The following KIF1A variants were observed in gnomAD, a reference collection of about 807,000 sequenced individuals.
KIF1A encodes kinesin-like protein KIF1A.
A neutral mutation model predicts 227.3 loss-of-function variants in KIF1A; 46 were observed. The ratio of observed to expected loss-of-function variants is 0.20; its 90% CI spans 0.16 to 0.26. KIF1A has a LOEUF of 0.26. Ranked by LOEUF, KIF1A falls within the 10% of genes least tolerant of loss-of-function variation. KIF1A has a pLI of 1.00. For synonymous variants in KIF1A, 1,022 were observed against 1,012.8 expected, an observed-to-expected ratio of 1.01 and a Z score of -0.17; for missense variants, 1,683 against 2,485.9, an observed-to-expected ratio of 0.68 and a Z score of 6.87.
At chr2:240,735,353 G>A (rs79714567) in intron 38 of KIF1A, among the ~76,000 whole-genome samples, 3,867 of 142,884 alleles carry the variant, frequency 0.027, 174 homozygotes, top group African/African-American at 0.091. Flanking sequence ...AGGTTCTCAG[G>A]CATCCAGGAA....
chr2:240,750,590 G>A (rs760949403), intron 27 of KIF1A, 43 bp from the exon 28 acceptor site: 28 of 1,420,308 alleles, frequency 2.0e-5, no homozygotes, highest in South Asian at 7.0e-5. Context: ...ACCCCTCCAC[G>A]CATGTTCTGA....
Position 240,760,656 on chromosome 2 carries a change from CA to C in KIF1A, c.2444+8del. Reference sequence around the variant, plus strand: ...TCCCACCATCCACCCAGCGGCCCTCCAGCCCCACCTGAGCTTCTCCAGCGTC... The same window carrying C: ...TCCCACCATCCACCCAGCGGCCCTCCGCCCCACCTGAGCTTCTCCAGCGTC... On this transcript the variant is annotated splice_region_variant and intron_variant, in intron 25 of 48. Transcript: ENST00000498729. 6.8e-7 allele frequency: 1 copy of C among 1,472,990 alleles called. No individual in the cohort carries two copies. The highest frequency in any genetic ancestry group is 9.0e-7 in the Non-Finnish European group (1 of 1,111,080). 91.2% of individuals were successfully genotyped at this position (1,472,990 alleles called of 1,614,324 possible).
chr2:240,787,900 C>T (rs1379753303), intron 4 of KIF1A, 151 bp downstream of exon 4: 2 of 711,674 alleles, frequency 2.8e-6, no homozygotes, highest in African/African-American at 1.8e-5. Context: ...CTCTCACCTG[C>T]CCCAGCCCCA....
chr2:240,742,815 G>A lies in KIF1A; in HGVS notation c.3640+114C>T, dbSNP rs1410202401. The A allele has an allele frequency of 6.2e-6, 6 of 963,740 alleles. No homozygotes were observed. The African/African-American group carries it at 6.8e-5, about 11-fold the overall frequency. 59.7% of individuals were successfully genotyped at this position (963,740 alleles called of 1,614,324 possible). On this transcript the variant is annotated intron_variant, in intron 34 of 48. Coordinates refer to ENST00000498729, the MANE Select transcript of KIF1A (RefSeq NM_001244008.2). ...GCTCAGGGTGGCGCCAGAGTGCCTG[G>A]GAGGGCACAGCCCAGTCACAGAGGA...
chr2:240,751,824 G>A (rs758925544), intron 27 of KIF1A, among the ~76,000 whole-genome samples: 1 of 151,942 alleles, frequency 6.6e-6, no homozygotes, highest in Non-Finnish European at 1.5e-5. Context: ...TGCCCCGGGT[G>A]TCTCTGTTTC....
intron 1 of KIF1A, among the ~76,000 whole-genome samples, chr2:240,801,020 T>C (rs2056919733): frequency 6.6e-6 from 1 of 151,254 alleles, no homozygotes; most frequent in East Asian, 2.0e-4. Flanking sequence ...TTTTATTTTT[T>C]CAAACCCAGG....
At chr2:240,782,915 T>C (rs1399109781) in intron 9 of KIF1A, 129 bp downstream of exon 9, 6 of 808,004 alleles carry the variant, frequency 7.4e-6, no homozygotes, top group Non-Finnish European at 1.3e-5. Flanking sequence ...ACTCTGGCCA[T>C]CTCCGGGCTC....
In KIF1A at chr2:240,718,030, C is replaced by T. The variant is rs749916994; in HGVS notation, c.5333+20G>A. The T allele has an allele frequency of 2.3e-5, 35 of 1,535,326 alleles. No individual in the cohort carries two copies. In the Admixed American group the frequency reaches 2.5e-4, roughly 11 times the overall value. On this transcript the variant is annotated intron_variant, in intron 48 of 48. Transcript: ENST00000498729. ...GGCAGGACCCCCATGGCAGCAACCT[C>T]GCCCTGCAGGCGGCCCTACCGTATG...
intron 22 of KIF1A, 78 bp downstream of exon 22, chr2:240,762,941 G>A (rs2050706385): frequency 1.5e-6 from 2 of 1,367,134 alleles, no homozygotes; most frequent in Non-Finnish European, 2.0e-6. Flanking sequence ...CAAGCAGGGA[G>A]GAGTGGGGGC....
At chr2:240,808,507 AAAT>A (rs142113672) in intron 1 of KIF1A, among the ~76,000 whole-genome samples, 80,751 of 149,272 alleles carry the variant, frequency 0.54, 23,260 homozygotes, top group South Asian at 0.66. Context: ...CAAAAAAAAA[AAAT>A]TTTTTTTTTT....
At position 240,775,931 on chromosome 2, in the gene KIF1A, G is replaced by T. The variant is rs201408083; in HGVS notation, c.883-5C>A. 208 of 1,599,922 alleles carry T rather than the reference G, an allele frequency of 1.3e-4. 1 individual carries two copies. Among genetic ancestry groups the T allele is most frequent in the African/African-American group, 1.3e-3 (97 of 74,738 alleles). The stretch of plus-strand genomic sequence containing the variant: ...TGTCTTCTTCTTTTTCTTGTTCTGT[G>T]GGGGAGGAACATTCAAGGTCAAGCC... On this transcript the variant is annotated splice_region_variant and splice_polypyrimidine_tract_variant and intron_variant, in intron 10 of 48. Coordinates refer to ENST00000498729, the MANE Select transcript of KIF1A (RefSeq NM_001244008.2). The surrounding 1 kb of genome is among the most constrained non-coding windows in gnomAD (Gnocchi z 5.5).
chr2:240,730,201 G>T (rs148281027), intron 38 of KIF1A, among the ~76,000 whole-genome samples: 3,378 of 152,344 alleles, frequency 0.022, 50 homozygotes, highest in Non-Finnish European at 0.035. Flanking sequence ...GGAGGAGCAG[G>T]CTGGCAGAGT....
chr2:240,747,447 C>T, intron 28 of KIF1A, 126 bp from the exon 29 acceptor site: 1 of 651,540 alleles, frequency 1.5e-6, no homozygotes, highest in Non-Finnish European at 2.6e-6. Flanking sequence ...CAGCAGACCC[C>T]TGACCGAATC....
intron 1 of KIF1A, among the ~76,000 whole-genome samples, chr2:240,800,105 GACACAC>G (rs3220094): frequency 0.011 from 1,514 of 143,046 alleles, 13 homozygotes; most frequent in African/African-American, 0.03. Context: ...GTCCAAAGCA[GACACAC>G]ACACACACAC....
chr2:240,729,878 G>A (rs549917894), intron 38 of KIF1A, among the ~76,000 whole-genome samples: 2 of 152,332 alleles, frequency 1.3e-5, no homozygotes, highest in South Asian at 4.1e-4. Flanking sequence ...GTGCCAAGAT[G>A]GCTAGCCGGA....
At chr2:240,769,559 A>T (rs1349925293) in intron 16 of KIF1A, 68 bp downstream of exon 16, 38 of 1,360,408 alleles carry the variant, frequency 2.8e-5, no homozygotes, top group Non-Finnish European at 3.6e-5. Context: ...CTCAGTGCTC[A>T]TCCTGCCCAG....
intron 12 of KIF1A, among the ~76,000 whole-genome samples, 192 bp downstream of exon 12, chr2:240,773,991 T>C (rs1575604748): frequency 6.6e-6 from 1 of 152,178 alleles, no homozygotes; most frequent in African/African-American, 2.4e-5. Flanking sequence ...AAAGGCTCCA[T>C]GGAGGGAATA....
chr2:240,769,291 C>T lies in KIF1A; in HGVS notation c.1422-83G>A, dbSNP rs145045205. ...AGCCCTGGCTGACCAATGGGGGCAG[C>T]GGGCCTGTGGCCACCGTGGCCTGGG... is the stretch of plus-strand genomic sequence containing the variant. On this transcript the variant is annotated intron_variant, in intron 16 of 48. Coordinates refer to ENST00000498729, the MANE Select transcript of KIF1A (RefSeq NM_001244008.2). 4.9e-4 allele frequency: 634 copies of T among 1,285,810 alleles called. 3 individuals carry two copies. In the East Asian group the frequency reaches 0.014, roughly 29 times the overall value. 79.7% of individuals were successfully genotyped at this position (1,285,810 alleles called of 1,614,324 possible).
chr2:240,794,098 G>A (rs10165233), intron 2 of KIF1A, among the ~76,000 whole-genome samples: 20,043 of 152,118 alleles, frequency 0.13, 1,369 homozygotes, highest in Middle Eastern at 0.17. Flanking sequence ...CTTGTCTGGG[G>A]GCAGGTCAGC....
Sources: gnomAD v4.1 joint callset for allele counts (sites outside exome capture counted in the v4.1 genomes callset) on GRCh38, gnomAD v4.1.1 for gene constraint, Gnocchi (gnomAD v3.1) non-coding constraint, MANE v1.5 for transcripts, NCBI Gene and HGNC (gene_info 2026-07-23, HGNC 2026-07-21) for gene names.